Variants in GAB1 observed in about 807,000 individuals in gnomAD.
GAB1 encodes GRB2-associated-binding protein 1.
In GAB1, 19 loss-of-function variants were observed where a neutral mutation model predicts 66.5. That is an observed-to-expected ratio of 0.29 (90% CI 0.20 to 0.42). The LOEUF is 0.42. Among genes scored for constraint, GAB1 ranks in the 10% least tolerant of loss-of-function variants. The pLI, the probability that GAB1 is intolerant of heterozygous loss-of-function variation, is 1.00. For missense variants in GAB1, 732 were observed against 858.5 expected (o/e 0.85, Z 1.84); for synonymous variants, 294 against 301.4 (o/e 0.98, Z 0.25).
At chr4:143,386,273 T>C (rs1385780193) in intron 1 of GAB1, among the ~76,000 whole-genome samples, 2 of 152,192 alleles carry the variant, frequency 1.3e-5, no homozygotes, top group African/African-American at 4.8e-5. Context: ...TTTTTTGGGA[T>C]TTTGGAATAT....
intron 2 of GAB1, among the ~76,000 whole-genome samples, chr4:143,421,691 T>C (rs1432863268): frequency 1.7e-5 from 2 of 120,698 alleles, no homozygotes; most frequent in Non-Finnish European, 3.3e-5. Flanking sequence ...TTCTTTTCTT[T>C]TCTTTTCTTT....
chr4:143,390,984 T>C (rs1731161919), intron 1 of GAB1, among the ~76,000 whole-genome samples: 6 of 152,162 alleles, frequency 3.9e-5, no homozygotes, highest in Admixed American at 3.9e-4. Context: ...TACTTTGCAC[T>C]GGGGAGAATT....
chr4:143,401,969 A>G (rs564659040), intron 1 of GAB1, among the ~76,000 whole-genome samples: 2 of 152,338 alleles, frequency 1.3e-5, no homozygotes, highest in East Asian at 3.8e-4. Context: ...GGCAACCTTC[A>G]GAAATAATAG....
intron 1 of GAB1, among the ~76,000 whole-genome samples, chr4:143,367,377 T>G (rs1729926490): frequency 6.6e-6 from 1 of 152,164 alleles, no homozygotes; most frequent in Admixed American, 6.5e-5. Flanking sequence ...AAATTCGATA[T>G]TTATTTATAC....
intron 1 of GAB1, among the ~76,000 whole-genome samples, chr4:143,367,361 G>A (rs1331828992): frequency 6.6e-6 from 1 of 152,126 alleles, no homozygotes; most frequent in East Asian, 1.9e-4. Context: ...AATGTCCCTG[G>A]AAAGGAAATT....
At chr4:143,456,242 G>A (rs1735182634) in intron 6 of GAB1, among the ~76,000 whole-genome samples, 2 of 152,188 alleles carry the variant, frequency 1.3e-5, no homozygotes, top group African/African-American at 4.8e-5. Context: ...TGGATCACAA[G>A]GTCAGGAGAT....
intron 1 of GAB1, among the ~76,000 whole-genome samples, chr4:143,371,463 G>T (rs1211066562): frequency 6.6e-6 from 1 of 152,176 alleles, no homozygotes; most frequent in Non-Finnish European, 1.5e-5. Context: ...TTTGTCCGAT[G>T]GGTAGATTGT....
At position 143,378,464 on chromosome 4, in the gene GAB1, G is replaced by A. The variant is rs536197619; in HGVS notation, c.73-37013G>A. ...TTAATTATGAAAATCTTGTATCCTG[G>A]CCTTTTTCTTGACACTCATATATTA... On this transcript the variant is annotated intron_variant, in intron 1 of 9. Transcript: ENST00000262994. 3.9e-5 allele frequency among the ~76,000 whole-genome samples: 6 copies of A among 152,148 alleles called. No homozygotes were observed. The South Asian group carries it at 1.2e-3, about 32-fold the overall frequency.
At chr4:143,437,770 A>G (rs922996820) in intron 3 of GAB1, among the ~76,000 whole-genome samples, 3 of 152,106 alleles carry the variant, frequency 2.0e-5, no homozygotes, top group African/African-American at 7.2e-5. Context: ...GTGGGCAGAT[A>G]TAGGACAGAA....
At chr4:143,427,234 A>G (rs1560761916) in intron 2 of GAB1, among the ~76,000 whole-genome samples, 2 of 152,162 alleles carry the variant, frequency 1.3e-5, no homozygotes, top group African/African-American at 4.8e-5. Flanking sequence ...CTGCCTTTAT[A>G]ATAAGGATAA....
rs562047597 is a variant in GAB1 at position 143,456,848 on chromosome 4, A to G, written c.1586-2537A>G. Reference sequence around the variant, plus strand: ...AGCTTAAATCACTGGTTCAAATGATATTGCAGCTCTGGCATCCAGGCTTCT... The same window carrying G: ...AGCTTAAATCACTGGTTCAAATGATGTTGCAGCTCTGGCATCCAGGCTTCT... On this transcript the variant is annotated intron_variant, in intron 6 of 9. Coordinates refer to ENST00000262994, the MANE Select transcript of GAB1 (RefSeq NM_002039.4). Among the ~76,000 whole-genome samples, 42 of 152,306 alleles carry G rather than the reference A, an allele frequency of 2.8e-4. 1 individual carries two copies. In the South Asian group the frequency reaches 7.7e-3, roughly 28 times the overall value.
At chr4:143,450,697 C>T (rs968059491) in intron 6 of GAB1, among the ~76,000 whole-genome samples, 1 of 152,086 alleles carries the variant, frequency 6.6e-6, no homozygotes, top group Non-Finnish European at 1.5e-5. Context: ...TGAGACCAGC[C>T]TGACCAACAT....
chr4:143,350,904 C>T (rs1729183184), intron 1 of GAB1, among the ~76,000 whole-genome samples: 1 of 152,140 alleles, frequency 6.6e-6, no homozygotes, highest in South Asian at 2.1e-4. Context: ...GATTTGTCCC[C>T]TCCACGGGAC....
At chr4:143,427,340 C>T (rs1733415815) in intron 2 of GAB1, among the ~76,000 whole-genome samples, 1 of 152,100 alleles carries the variant, frequency 6.6e-6, no homozygotes, top group African/African-American at 2.4e-5. Flanking sequence ...CTAAGGGTTC[C>T]TGGCAAAAGG....
At chr4:143,405,565 C>G (rs939561344) in intron 1 of GAB1, among the ~76,000 whole-genome samples, 4 of 152,158 alleles carry the variant, frequency 2.6e-5, no homozygotes, top group African/African-American at 9.7e-5. Flanking sequence ...GCATCATTAC[C>G]AAATGAATTA....
chr4:143,342,708 C>T (rs1728864177), intron 1 of GAB1, among the ~76,000 whole-genome samples: 2 of 151,742 alleles, frequency 1.3e-5, no homozygotes, highest in South Asian at 4.2e-4. Flanking sequence ...CAGGCTCCTG[C>T]CACCACGCCC....
Position 143,337,095 on chromosome 4 carries a change from T to G in GAB1, c.-94T>G, listed in dbSNP as rs1000212626. Reference sequence around the variant, plus strand: ...GGGGTGCGCGACCAGGAGAGCTAGGTTCTCGCCACTGCGCGCTCGGCAGGC... The same window carrying G: ...GGGGTGCGCGACCAGGAGAGCTAGGGTCTCGCCACTGCGCGCTCGGCAGGC... On this transcript the variant is annotated 5_prime_UTR_variant, in exon 1 of 10. Transcript: ENST00000262994. The G allele has an allele frequency of 4.1e-5, 46 of 1,111,922 alleles. No individual in the cohort carries two copies. Among genetic ancestry groups the G allele is most frequent in the Non-Finnish European group, 5.9e-5 (45 of 768,652 alleles). 68.9% of individuals were successfully genotyped at this position (1,111,922 alleles called of 1,614,324 possible). A position where few individuals can be genotyped will look rare whatever the true frequency, so the allele number is the denominator to read the frequency against.
intron 6 of GAB1, among the ~76,000 whole-genome samples, chr4:143,453,309 C>G (rs1290638505): frequency 6.6e-6 from 1 of 151,924 alleles, no homozygotes; most frequent in Non-Finnish European, 1.5e-5. Flanking sequence ...ATGATTATAT[C>G]ATATTTTTCT....
intron 6 of GAB1, among the ~76,000 whole-genome samples, chr4:143,446,614 A>G (rs1195994534): frequency 1.3e-5 from 2 of 152,110 alleles, no homozygotes; most frequent in Non-Finnish European, 2.9e-5. Flanking sequence ...GTCTGTTCAT[A>G]TCCTTTGCCC....
Sources: allele counts gnomAD v4.1 joint callset (sites outside exome capture counted in the v4.1 genomes callset), GRCh38; gene constraint gnomAD v4.1.1; transcripts MANE v1.5; gene names NCBI Gene and HGNC (gene_info 2026-07-23, HGNC 2026-07-21).